The following ALCAM variants were observed in gnomAD, a reference collection of about 807,000 sequenced individuals.
The protein encoded by ALCAM is activated leukocyte cell adhesion molecule.
Under a neutral mutation model 70.9 loss-of-function variants are expected in ALCAM, and 30 were observed. The ratio of observed to expected loss-of-function variants is 0.42; its 90% CI spans 0.32 to 0.57. ALCAM has a LOEUF of 0.57. ALCAM is among the 20% of genes least tolerant of loss of function. The pLI is 0.11. For synonymous variants in ALCAM, 249 were observed against 242.5 expected (o/e 1.03, Z -0.25); for missense variants, 591 against 695.1 (o/e 0.85, Z 1.68).
At chr3:105,427,462 CCT>C in intron 1 of ALCAM, among the ~76,000 whole-genome samples, 1 of 151,994 alleles carries the variant, frequency 6.6e-6, no homozygotes, top group Middle Eastern at 3.4e-3. Flanking sequence ...CTTCTGGCCC[CCT>C]GTCCCCACTG....
At chr3:105,556,121 A>G (rs1940511018) in intron 14 of ALCAM, among the ~76,000 whole-genome samples, 1 of 151,992 alleles carries the variant, frequency 6.6e-6, no homozygotes, top group South Asian at 2.1e-4. Context: ...TTTTAGTTCT[A>G]CAGGAAGTTA....
At chr3:105,460,769 G>T (rs1333484768) in intron 1 of ALCAM, among the ~76,000 whole-genome samples, 5 of 151,844 alleles carry the variant, frequency 3.3e-5, no homozygotes, top group Admixed American at 1.3e-4. Flanking sequence ...AGTGAAAATG[G>T]CTTTTCAATT....
chr3:105,563,663 A>ATTTCTTTTTTTTTT (rs1940677761), intron 14 of ALCAM, among the ~76,000 whole-genome samples: 1 of 72,548 alleles, frequency 1.4e-5, no homozygotes, highest in Non-Finnish European at 2.5e-5. Context: ...AATTCCAAGC[A>ATTTCTTTTTTTTTT]TTTCTTTTTT....
At chr3:105,456,107 A>C (rs1350227189) in intron 1 of ALCAM, among the ~76,000 whole-genome samples, 1 of 152,092 alleles carries the variant, frequency 6.6e-6, no homozygotes, top group Non-Finnish European at 1.5e-5. Context: ...AAAACAAACA[A>C]ACAAAAAAGT....
At chr3:105,377,680 T>G (rs1417217274) in intron 1 of ALCAM, among the ~76,000 whole-genome samples, 1 of 152,044 alleles carries the variant, frequency 6.6e-6, no homozygotes, top group African/African-American at 2.4e-5. Context: ...AGACAGGTAT[T>G]TACCATGAAT....
At chr3:105,453,808 T>C (rs1287860668) in intron 1 of ALCAM, among the ~76,000 whole-genome samples, 1 of 152,200 alleles carries the variant, frequency 6.6e-6, no homozygotes, top group Non-Finnish European at 1.5e-5. Context: ...GCTGTATTCC[T>C]AGGTATTTTG....
intron 1 of ALCAM, among the ~76,000 whole-genome samples, chr3:105,471,789 T>G (rs1451853849): frequency 6.6e-6 from 1 of 151,324 alleles, no homozygotes; most frequent in Non-Finnish European, 1.5e-5. Context: ...AGTTATCATT[T>G]TTATGGCCCA....
chr3:105,367,303 G>A lies in ALCAM; in HGVS notation c.-106G>A. ...GACGGTGTGTCTGGGAGAAGACGCT[G>A]CCCCTGCGTCGGGACCCGCCAGCGC... On this transcript the variant is annotated 5_prime_UTR_variant, in exon 1 of 16. Transcript: ENST00000306107. 7 of 1,090,994 alleles carry A rather than the reference G, an allele frequency of 6.4e-6. No individual in the cohort carries two copies. The highest frequency in any genetic ancestry group is 9.5e-6 in the Non-Finnish European group (7 of 734,582). 67.6% of individuals were successfully genotyped at this position (1,090,994 alleles called of 1,614,324 possible).
chr3:105,533,537 CT>C, intron 4 of ALCAM, 65 bp from the exon 5 acceptor site: 2 of 1,423,764 alleles, frequency 1.4e-6, no homozygotes, highest in East Asian at 4.6e-5. Context: ...GCCTGAGTTT[CT>C]GGAGTTTCCA....
chr3:105,553,207 C>A, intron 14 of ALCAM: 1 of 710,150 alleles, frequency 1.4e-6, no homozygotes. Flanking sequence ...ATAGTATGAA[C>A]CTTACAAATT....
intron 1 of ALCAM, among the ~76,000 whole-genome samples, chr3:105,418,708 C>T (rs1354677430): frequency 2.6e-5 from 4 of 151,318 alleles, no homozygotes; most frequent in Non-Finnish European, 4.4e-5. Context: ...AAGACTATGA[C>T]CAAAGTAAAA....
chr3:105,478,071 T>C (rs1938170147), intron 1 of ALCAM, among the ~76,000 whole-genome samples: 1 of 152,124 alleles, frequency 6.6e-6, no homozygotes. Flanking sequence ...CCTTGATTTT[T>C]TCCCCTGAAA....
chr3:105,565,246 T>G (rs554454193), intron 14 of ALCAM, among the ~76,000 whole-genome samples: 1 of 152,348 alleles, frequency 6.6e-6, no homozygotes, highest in African/African-American at 2.4e-5. Context: ...TTACCCTCCT[T>G]TCTTCATAAG....
chr3:105,368,223 A>AAGAGAGAGAGAGAGCGAGAGAGAGAG (rs1935123245), intron 1 of ALCAM, among the ~76,000 whole-genome samples: 1 of 67,790 alleles, frequency 1.5e-5, no homozygotes, highest in African/African-American at 5.6e-5. Flanking sequence ...TGAGTCTTGG[A>AAGAGAGAGAGAGAGCGAGAGAGAGAG]AGAGAGAGAG....
intron 1 of ALCAM, among the ~76,000 whole-genome samples, chr3:105,437,902 A>G (rs1199215444): frequency 6.6e-6 from 1 of 152,172 alleles, no homozygotes; most frequent in Non-Finnish European, 1.5e-5. Flanking sequence ...AGGAAAATGT[A>G]TATTTTTATC....
intron 5 of ALCAM, 32 bp downstream of exon 5, chr3:105,533,722 A>C: frequency 6.3e-7 from 1 of 1,580,642 alleles, no homozygotes; most frequent in Non-Finnish European, 8.7e-7. Context: ...CAGGGAGTAC[A>C]TTCAGAGGAC....
chr3:105,419,012 G>A (rs1250378703), intron 1 of ALCAM, among the ~76,000 whole-genome samples: 1 of 151,572 alleles, frequency 6.6e-6, no homozygotes, highest in South Asian at 2.1e-4. Context: ...ACTTTCTTTA[G>A]ATATCATTTT....
At chr3:105,428,699 A>G (rs997660258) in intron 1 of ALCAM, among the ~76,000 whole-genome samples, 1 of 151,982 alleles carries the variant, frequency 6.6e-6, no homozygotes, top group Admixed American at 6.6e-5. Context: ...CTATAGAAAC[A>G]TGGTAGTTGT....
chr3:105,443,982 A>G (rs1937238946), intron 1 of ALCAM, among the ~76,000 whole-genome samples: 3 of 152,222 alleles, frequency 2.0e-5, no homozygotes, highest in African/African-American at 4.8e-5. Flanking sequence ...GCACAGTATA[A>G]GTGCTGAACT....
Sources: allele counts gnomAD v4.1 joint callset (sites outside exome capture counted in the v4.1 genomes callset), GRCh38; gene constraint gnomAD v4.1.1; transcripts MANE v1.5; gene names NCBI Gene and HGNC (gene_info 2026-07-23, HGNC 2026-07-21).